Variants in CA12 observed in about 807,000 individuals in gnomAD.
CA12 encodes the protein carbonic anhydrase 12.
A neutral mutation model predicts 46.8 loss-of-function variants in CA12; 36 were observed. The observed-to-expected ratio is 0.77, with a 90% CI of 0.59 to 1.02. The LOEUF is 1.02. CA12 is among the 50% of genes least tolerant of loss of function. The pLI, the probability that CA12 is intolerant of heterozygous loss-of-function variation, is 0.00. For missense variants in CA12, 436 were observed against 451.4 expected, an observed-to-expected ratio of 0.97 and a Z score of 0.31; for synonymous variants, 202 against 187.0, an observed-to-expected ratio of 1.08 and a Z score of -0.65.
intron 2 of CA12, among the ~76,000 whole-genome samples, chr15:63,368,273 T>A (rs563333749): frequency 6.6e-6 from 1 of 152,336 alleles, no homozygotes; most frequent in South Asian, 2.1e-4. Context: ...GCAGGTGCTA[T>A]CTCTCTTTCT....
chr15:63,333,531 C>G (rs969667236), intron 8 of CA12, among the ~76,000 whole-genome samples: 1 of 152,252 alleles, frequency 6.6e-6, no homozygotes, highest in South Asian at 2.1e-4. Context: ...GGAAATGATG[C>G]TGGCTAATCA....
At chr15:63,359,568 C>T (rs1386771305) in intron 2 of CA12, among the ~76,000 whole-genome samples, 1 of 152,106 alleles carries the variant, frequency 6.6e-6, no homozygotes, top group Non-Finnish European at 1.5e-5. Flanking sequence ...ACCTCACTCC[C>T]GTCATGAGAA....
chr15:63,340,585 G>T lies in CA12; in HGVS notation c.589+135C>A. On this transcript the variant is annotated intron_variant, in intron 6 of 10. Coordinates refer to ENST00000178638, the MANE Select transcript of CA12 (RefSeq NM_001218.5). The surrounding 1 kb of genome is among the most constrained non-coding windows in gnomAD (Gnocchi z 4.4). ...AACCCCAGGACCTGGTTGCAACATT[G>T]TTCAACAACCTGCTGCTCTTAACCT... is the stretch of plus-strand genomic sequence containing the variant. 1 of 1,397,326 alleles carries T rather than the reference G, an allele frequency of 7.2e-7. No individual in the cohort carries two copies. The highest frequency in any genetic ancestry group is 1.0e-6 in the Non-Finnish European group (1 of 984,272). The allele number at this position is 1,397,326 out of a possible 1,614,324, so 86.6% of individuals were successfully genotyped here. A position where few individuals can be genotyped will look rare whatever the true frequency, so the allele number is the denominator to read the frequency against.
rs1170383795 is a variant in CA12, at chr15:63,327,129, T to A, written c.992+20A>T. On this transcript the variant is annotated intron_variant, in intron 10 of 10. Coordinates refer to ENST00000178638, the MANE Select transcript of CA12 (RefSeq NM_001218.5). The surrounding 1 kb of genome is among the most constrained non-coding windows in gnomAD (Gnocchi z 4.5). The stretch of plus-strand genomic sequence containing the variant: ...GGACACATAGCTGTCCATTCCCATT[T>A]TGGACCCAAACCAGCTCACCTCTTC... 6.2e-7 allele frequency: 1 copy of A among 1,608,144 alleles called. No homozygotes were observed. Among genetic ancestry groups the A allele is most frequent in the Non-Finnish European group, 8.5e-7 (1 of 1,174,670 alleles).
At chr15:63,333,701 C>G (rs2038964108) in intron 8 of CA12, among the ~76,000 whole-genome samples, 2 of 152,148 alleles carry the variant, frequency 1.3e-5, no homozygotes, top group Non-Finnish European at 2.9e-5. Flanking sequence ...TTTCCTTCTC[C>G]CTCCTTTTAA....
Position 63,340,887 on chromosome 15 carries a change from A to C in CA12, c.526-104T>G. 1.1e-6 allele frequency: 1 copy of C among 928,198 alleles called. No individual in the cohort carries two copies. The allele number at this position is 928,198 out of a possible 1,614,324, so 57.5% of individuals were successfully genotyped here. ...GCAAAGCTGTGGGTATGTTGCCACC[A>C]CTGCCTGAAGGATCCACTTTACTGG... On this transcript the variant is annotated intron_variant, in intron 5 of 10. Transcript: ENST00000178638. The surrounding 1 kb of genome is among the most constrained non-coding windows in gnomAD (Gnocchi z 4.4).
At chr15:63,333,028 T>C (rs2038955711) in intron 8 of CA12, among the ~76,000 whole-genome samples, 1 of 152,222 alleles carries the variant, frequency 6.6e-6, no homozygotes, top group Admixed American at 6.5e-5. Flanking sequence ...GATGGAGACG[T>C]GGTTCTGGCT....
At position 63,327,361 on chromosome 15, in the gene CA12, TG is replaced by T; in HGVS notation, c.908-129del. The T allele has an allele frequency of 1.3e-6, 1 of 785,016 alleles. No homozygotes were observed. Among genetic ancestry groups the T allele is most frequent in the Non-Finnish European group, 2.2e-6 (1 of 456,726 alleles). The allele number at this position is 785,016 out of a possible 1,614,324, so 48.6% of individuals were successfully genotyped here. A position where few individuals can be genotyped will look rare whatever the true frequency, so the allele number is the denominator to read the frequency against. On this transcript the variant is annotated intron_variant, in intron 9 of 10. Coordinates refer to ENST00000178638, the MANE Select transcript of CA12 (RefSeq NM_001218.5). The surrounding 1 kb of genome is among the most constrained non-coding windows in gnomAD (Gnocchi z 4.5). ...CAGAAAGGAATAATTTCCCCATCCC[TG>T]TTCTCAGATTCTGGTCTTTGGCTTA... is the stretch of plus-strand genomic sequence containing the variant.
At chr15:63,342,819 A>G (rs1013254929) in intron 4 of CA12, among the ~76,000 whole-genome samples, 4 of 152,206 alleles carry the variant, frequency 2.6e-5, no homozygotes, top group Non-Finnish European at 5.9e-5. Flanking sequence ...AGACTATGAC[A>G]TATTGAGATT....
intron 1 of CA12, among the ~76,000 whole-genome samples, chr15:63,381,037 GT>G (rs2039638100): frequency 1.3e-5 from 2 of 150,756 alleles, no homozygotes; most frequent in Non-Finnish European, 3.0e-5. Flanking sequence ...GTGTGTGTGT[GT>G]GGTTTGTGTG....
At chr15:63,350,907 T>C (rs1008249944) in intron 2 of CA12, among the ~76,000 whole-genome samples, 1 of 152,212 alleles carries the variant, frequency 6.6e-6, no homozygotes, top group East Asian at 1.9e-4. Flanking sequence ...AATCCAGATA[T>C]ATTTCATCTG....
At position 63,331,143 on chromosome 15, in the gene CA12, A is replaced by T. The variant is rs371438543; in HGVS notation, c.875-3013T>A. ...CATCATGGAGGCTCAGCTTCTTTGCAGAAATGGGCTTGAGTCCCATTGGAG... is the reference window on the plus strand; with the variant it reads ...CATCATGGAGGCTCAGCTTCTTTGCTGAAATGGGCTTGAGTCCCATTGGAG... On this transcript the variant is annotated intron_variant, in intron 8 of 10. Coordinates refer to ENST00000178638, the MANE Select transcript of CA12 (RefSeq NM_001218.5). This position sits in a 1 kb window ranked among gnomAD's most constrained non-coding sequence, Gnocchi z 5.3. Among the ~76,000 whole-genome samples, 432 of 152,358 alleles carry T rather than the reference A, an allele frequency of 2.8e-3. 1 individual carries two copies. In the South Asian group the frequency reaches 0.04, roughly 14 times the overall value.
At chr15:63,370,772 CAA>C (rs1181667166) in intron 2 of CA12, among the ~76,000 whole-genome samples, 2 of 133,342 alleles carry the variant, frequency 1.5e-5, no homozygotes, top group Non-Finnish European at 3.2e-5. Context: ...GACTCCATCT[CAA>C]AAAAAAAAAG....
chr15:63,350,041 C>T (rs2039207418), intron 2 of CA12, among the ~76,000 whole-genome samples: 3 of 152,110 alleles, frequency 2.0e-5, no homozygotes. Flanking sequence ...TTTGGGGGCA[C>T]TAATTGAAAA....
At chr15:63,375,283 T>C (rs2039556419) in intron 2 of CA12, among the ~76,000 whole-genome samples, 1 of 152,210 alleles carries the variant, frequency 6.6e-6, no homozygotes, top group South Asian at 2.1e-4. Context: ...CTTTCTTCTT[T>C]GTTTATAATA....
chr15:63,359,130 C>T (rs2039328795), intron 2 of CA12, among the ~76,000 whole-genome samples: 1 of 152,174 alleles, frequency 6.6e-6, no homozygotes, highest in Non-Finnish European at 1.5e-5. Context: ...GGCTTCAACA[C>T]CAGCTCTGCC....
At chr15:63,364,332 GAA>G (rs34673043) in intron 2 of CA12, among the ~76,000 whole-genome samples, 3 of 56,134 alleles carry the variant, frequency 5.3e-5, no homozygotes, top group South Asian at 1.1e-3. Flanking sequence ...CCCGTCACTA[GAA>G]AAAAAAAAAA....
intron 2 of CA12, among the ~76,000 whole-genome samples, chr15:63,368,628 C>G (rs544976410): frequency 3.3e-5 from 5 of 152,344 alleles, no homozygotes; most frequent in Non-Finnish European, 7.3e-5. Flanking sequence ...CTGGCCAGCT[C>G]TTGCAGAAGC....
chr15:63,370,888 G>C (rs543281402), intron 2 of CA12, among the ~76,000 whole-genome samples: 1 of 152,318 alleles, frequency 6.6e-6, no homozygotes, highest in Non-Finnish European at 1.5e-5. Flanking sequence ...GTCGCGAGAA[G>C]TGGCTGGAAT....
Sources: allele counts gnomAD v4.1 joint callset (sites outside exome capture counted in the v4.1 genomes callset), GRCh38; gene constraint gnomAD v4.1.1; non-coding constraint Gnocchi (gnomAD v3.1); transcripts MANE v1.5; gene names NCBI Gene and HGNC (gene_info 2026-07-23, HGNC 2026-07-21).